The following FGF9 variants were observed in gnomAD, a reference collection of about 807,000 sequenced individuals.
FGF9 encodes the protein fibroblast growth factor 9 (glia-activating factor).
FGF9 carries 3 observed loss-of-function variants against 19.9 expected under a neutral mutation model. The ratio of observed to expected loss-of-function variants is 0.15; its 90% CI spans 0.07 to 0.39. The LOEUF is 0.39. FGF9 is among the 10% of genes least tolerant of loss of function. FGF9 has a pLI of 1.00. For missense variants in FGF9, 175 were observed against 256.8 expected (o/e 0.68, Z 2.18); for synonymous variants, 107 against 106.9 (o/e 1.00, Z -0.01).
intron 2 of FGF9, among the ~76,000 whole-genome samples, chr13:21,700,357 T>C (rs1872512684): frequency 6.6e-6 from 1 of 152,136 alleles, no homozygotes; most frequent in South Asian, 2.1e-4. Flanking sequence ...AAATGTAGAC[T>C]GAGAGTTAGG....
At chr13:21,697,120 C>T (rs919306654) in intron 2 of FGF9, among the ~76,000 whole-genome samples, 2 of 152,136 alleles carry the variant, frequency 1.3e-5, no homozygotes, top group Non-Finnish European at 2.9e-5. Flanking sequence ...TCAGCCATCA[C>T]AAAAAATGCT....
intron 2 of FGF9, among the ~76,000 whole-genome samples, chr13:21,697,109 C>T (rs1872426277): frequency 6.6e-6 from 1 of 152,128 alleles, no homozygotes; most frequent in Non-Finnish European, 1.5e-5. Flanking sequence ...TGGAATTGGA[C>T]TCAGCCATCA....
chr13:21,701,150 G>C (rs950414702), intron 2 of FGF9, 40 bp from the exon 3 acceptor site: 3 of 1,567,802 alleles, frequency 1.9e-6, no homozygotes, highest in Admixed American at 1.7e-5. Flanking sequence ...GCATGCATTA[G>C]CTATTTTTCC....
At position 21,703,114 on chromosome 13, in the gene FGF9, A is replaced by G. The variant is rs762284852; in HGVS notation, c.*1679A>G. The G allele has an allele frequency of 9.2e-5, 14 of 152,390 alleles. No homozygotes were observed. The highest frequency in any genetic ancestry group is 3.4e-3 in the Middle Eastern group (1 of 294). 9.4% of individuals were successfully genotyped at this position (152,390 alleles called of 1,614,324 possible). On this transcript the variant is annotated 3_prime_UTR_variant, in exon 3 of 3. Coordinates refer to ENST00000382353, the MANE Select transcript of FGF9 (RefSeq NM_002010.3). The stretch of plus-strand genomic sequence containing the variant: ...GCAATATTTAAGAAAAAAGGAATTT[A>G]TAACAAATTCTCATCTACATATGAC...
At chr13:21,687,979 A>G (rs184931187) in intron 2 of FGF9, among the ~76,000 whole-genome samples, 74 of 152,294 alleles carry the variant, frequency 4.9e-4, no homozygotes, top group African/African-American at 1.7e-3. Context: ...TTTGCCTTCT[A>G]GGTATCTGCG....
chr13:21,687,260 G>T (rs1009559880), intron 2 of FGF9, among the ~76,000 whole-genome samples: 5 of 152,178 alleles, frequency 3.3e-5, no homozygotes, highest in Non-Finnish European at 5.9e-5. Context: ...CAGGAGCCCT[G>T]TAGGTCCCTC....
intron 2 of FGF9, among the ~76,000 whole-genome samples, chr13:21,683,590 T>TC (rs1023624206): frequency 8.2e-4 from 125 of 152,114 alleles, no homozygotes; most frequent in African/African-American, 2.9e-3. Flanking sequence ...AGTCATGGAG[T>TC]CCCAGTCAGG....
At chr13:21,673,862 C>A (rs892411504) in intron 1 of FGF9, 4 of 150,788 alleles carry the variant, frequency 2.7e-5, no homozygotes, top group Non-Finnish European at 4.5e-5. Flanking sequence ...CTCGGCCGCC[C>A]GGGCCCCGCG....
chr13:21,673,746 G>A (rs927494487), intron 1 of FGF9, among the ~76,000 whole-genome samples: 28 of 151,506 alleles, frequency 1.8e-4, no homozygotes, highest in African/African-American at 6.0e-4. Flanking sequence ...CCACCCGCAG[G>A]GTGTCGGGGC....
In FGF9 at chr13:21,702,745, G is replaced by A. The variant is rs545298237; in HGVS notation, c.*1310G>A. ...ATAGGGGTCATTGTAACATCTTTTA[G>A]AGAAAATGGCTATCAGTGTGAACTG... On this transcript the variant is annotated 3_prime_UTR_variant, in exon 3 of 3. Transcript: ENST00000382353. 6.6e-6 allele frequency: 1 copy of A among 152,282 alleles called. No individual in the cohort carries two copies. Among genetic ancestry groups the A allele is most frequent in the Non-Finnish European group, 1.5e-5 (1 of 68,030 alleles). The allele number at this position is 152,282 out of a possible 1,614,324, so 9.4% of individuals were successfully genotyped here.
chr13:21,695,212 G>A (rs1039752398), intron 2 of FGF9, among the ~76,000 whole-genome samples: 1 of 151,804 alleles, frequency 6.6e-6, no homozygotes, highest in Non-Finnish European at 1.5e-5. Context: ...TTTCCTTTTC[G>A]TTTTTTGTTT....
At chr13:21,686,376 T>G (rs988713575) in intron 2 of FGF9, among the ~76,000 whole-genome samples, 4 of 152,128 alleles carry the variant, frequency 2.6e-5, no homozygotes, top group Admixed American at 6.5e-5. Flanking sequence ...AATAAATGCC[T>G]CCTTAAAAAA....
At position 21,693,626 on chromosome 13, in the gene FGF9, T is replaced by C. The variant is rs185520802; in HGVS notation, c.382-7564T>C. Among the ~76,000 whole-genome samples the C allele has an allele frequency of 2.3e-4, 35 of 152,276 alleles. No individual in the cohort carries two copies. In the East Asian group the frequency reaches 6.4e-3, roughly 28 times the overall value. ...AGTTCTCTTTGGGCAGTTCATGATG[T>C]AGGGTTTATTGGTCAAGCCGACAGT... On this transcript the variant is annotated intron_variant, in intron 2 of 2. Coordinates refer to ENST00000382353, the MANE Select transcript of FGF9 (RefSeq NM_002010.3).
chr13:21,695,069 CGTGTGTGTGTGTGCGTGT>C (rs1487096731), intron 2 of FGF9, among the ~76,000 whole-genome samples: 1,724 of 143,456 alleles, frequency 0.012, 45 homozygotes, highest in African/African-American at 0.042. Context: ...AAGATGTGTG[CGTGTGTGTGTGTGCGTGT>C]GTGTGTGTGT....
chr13:21,693,794 A>C (rs1480812403), intron 2 of FGF9, among the ~76,000 whole-genome samples: 2 of 152,124 alleles, frequency 1.3e-5, no homozygotes, highest in Non-Finnish European at 2.9e-5. Context: ...CTGGGGCCAA[A>C]GTGGCTGTCT....
At chr13:21,675,029 A>T (rs1593089968) in intron 1 of FGF9, among the ~76,000 whole-genome samples, 1 of 7,592 alleles carries the variant, frequency 1.3e-4, no homozygotes, top group African/African-American at 4.8e-4. Flanking sequence ...GCTGGGGGGG[A>T]TGTGGGGGCT....
rs560286721 is a variant in FGF9, at chr13:21,685,892, C to G, written c.381+4747C>G. Reference sequence around the variant, plus strand: ...CCCTTCAAATGTCACAATTAAAATACGCTGCCAGGTTGAAATTTCGAGAGG... The same window carrying G: ...CCCTTCAAATGTCACAATTAAAATAGGCTGCCAGGTTGAAATTTCGAGAGG... On this transcript the variant is annotated intron_variant, in intron 2 of 2. Coordinates refer to ENST00000382353, the MANE Select transcript of FGF9 (RefSeq NM_002010.3). 2.0e-5 allele frequency among the ~76,000 whole-genome samples: 3 copies of G among 152,152 alleles called. No homozygotes were observed. The East Asian group carries it at 5.8e-4, about 29-fold the overall frequency.
In FGF9 at chr13:21,701,559, C is replaced by T; in HGVS notation, c.*124C>T. 2 of 1,343,948 alleles carry T rather than the reference C, an allele frequency of 1.5e-6. No homozygotes were observed. Among genetic ancestry groups the T allele is most frequent in the South Asian group, 1.2e-5 (1 of 83,194 alleles). The allele number at this position is 1,343,948 out of a possible 1,614,324, so 83.3% of individuals were successfully genotyped here. ...CACTGTTGCCAAACTTTGTCGCATG[C>T]ATAATGTATGATGGAGGCTTGGATG... On this transcript the variant is annotated 3_prime_UTR_variant, in exon 3 of 3. Coordinates refer to ENST00000382353, the MANE Select transcript of FGF9 (RefSeq NM_002010.3).
chr13:21,679,463 A>T (rs868644391), intron 1 of FGF9, among the ~76,000 whole-genome samples: 80 of 152,310 alleles, frequency 5.3e-4, no homozygotes, highest in African/African-American at 1.8e-3. Context: ...CATGAGACTG[A>T]CTATAGCACA....
Sources: gnomAD v4.1 joint callset for allele counts (sites outside exome capture counted in the v4.1 genomes callset) on GRCh38, gnomAD v4.1.1 for gene constraint, MANE v1.5 for transcripts, NCBI Gene and HGNC (gene_info 2026-07-23, HGNC 2026-07-21) for gene names.